The following KLHL2 variants were observed in gnomAD, a reference collection of about 807,000 sequenced individuals.
KLHL2 encodes kelch-like protein 2.
Under a neutral mutation model 75.8 loss-of-function variants are expected in KLHL2, and 15 were observed. The observed-to-expected ratio is 0.20, with a 90% CI of 0.13 to 0.30. The LOEUF is 0.30. KLHL2 is among the 10% of genes least tolerant of loss of function. The pLI, the probability that KLHL2 is intolerant of heterozygous loss-of-function variation, is 1.00. For missense variants in KLHL2, 381 were observed against 741.0 expected, an observed-to-expected ratio of 0.51 and a Z score of 5.64; for synonymous variants, 214 against 251.9, an observed-to-expected ratio of 0.85 and a Z score of 1.42.
At chr4:165,287,051 C>G (rs1191688269) in intron 5 of KLHL2, among the ~76,000 whole-genome samples, 4 of 152,148 alleles carry the variant, frequency 2.6e-5, no homozygotes, top group Non-Finnish European at 5.9e-5. Context: ...AAGTGTTCCA[C>G]TCAGTAGTGT....
At chr4:165,283,519 C>T (rs1410820618) in intron 5 of KLHL2, among the ~76,000 whole-genome samples, 1 of 152,198 alleles carries the variant, frequency 6.6e-6, no homozygotes, top group African/African-American at 2.4e-5. Context: ...GAATGATCTC[C>T]TTTGACTGCA....
At chr4:165,250,690 A>G (rs1740631884) in intron 4 of KLHL2, among the ~76,000 whole-genome samples, 1 of 152,252 alleles carries the variant, frequency 6.6e-6, no homozygotes, top group African/African-American at 2.4e-5. Context: ...TAAATGCTCT[A>G]TAAATGTTGA....
chr4:165,211,830 A>G (rs1038047235), intron 1 of KLHL2, among the ~76,000 whole-genome samples: 4 of 152,128 alleles, frequency 2.6e-5, no homozygotes, highest in African/African-American at 7.2e-5. Flanking sequence ...ATGCTGGGAA[A>G]TCACTCCACC....
chr4:165,220,474 C>A (rs1412904054), intron 2 of KLHL2, among the ~76,000 whole-genome samples: 1 of 152,018 alleles, frequency 6.6e-6, no homozygotes, highest in Non-Finnish European at 1.5e-5. Context: ...AATCCCAGCA[C>A]TTTGAGAGGC....
Position 165,263,880 on chromosome 4 carries a change from A to G in KLHL2, c.544+521A>G, listed in dbSNP as rs185216284. On this transcript the variant is annotated intron_variant, in intron 5 of 14. Coordinates refer to ENST00000226725, the MANE Select transcript of KLHL2 (RefSeq NM_007246.4). ...TTAAAAAAATCTTCAAAGCAGTGAA[A>G]TATAGATACATTTGGTGGAGTAGAA... Among the ~76,000 whole-genome samples the G allele has an allele frequency of 1.5e-3, 226 of 146,452 alleles. 1 individual carries two copies. The highest frequency in any genetic ancestry group is 3.8e-3 in the Middle Eastern group (1 of 266).
intron 6 of KLHL2, among the ~76,000 whole-genome samples, chr4:165,296,057 T>C (rs981247624): frequency 7.2e-5 from 11 of 152,204 alleles, no homozygotes; most frequent in Non-Finnish European, 1.3e-4. Context: ...AATTCTATGG[T>C]CAGAATTCAT....
intron 5 of KLHL2, among the ~76,000 whole-genome samples, chr4:165,284,948 C>T (rs1251469672): frequency 2.0e-5 from 3 of 152,108 alleles, no homozygotes; most frequent in Admixed American, 6.6e-5. Context: ...CGTCAGATCT[C>T]GTGAGACTCA....
intron 3 of KLHL2, among the ~76,000 whole-genome samples, chr4:165,236,242 A>G (rs1739336366): frequency 6.6e-6 from 1 of 152,214 alleles, no homozygotes; most frequent in Non-Finnish European, 1.5e-5. Context: ...GGATAGCATA[A>G]TGTAGCTTCA....
At chr4:165,236,329 G>T (rs1300611464) in intron 3 of KLHL2, among the ~76,000 whole-genome samples, 1 of 152,180 alleles carries the variant, frequency 6.6e-6, no homozygotes, top group African/African-American at 2.4e-5. Flanking sequence ...ACTATGGGAG[G>T]TTACAAATGG....
At chr4:165,301,937 A>G (rs1353618418) in intron 8 of KLHL2, among the ~76,000 whole-genome samples, 1 of 152,104 alleles carries the variant, frequency 6.6e-6, no homozygotes, top group African/African-American at 2.4e-5. Flanking sequence ...GTAAAAGCCT[A>G]TCAAGTACTT....
chr4:165,236,000 C>T lies in KLHL2; in HGVS notation c.260-2778C>T, dbSNP rs539077255. Reference sequence around the variant, plus strand: ...GAGAAACCAAAGGATTTTTGAACTCCGTGCCCAAATTTGTGGAGTCAGTAC... The same window carrying T: ...GAGAAACCAAAGGATTTTTGAACTCTGTGCCCAAATTTGTGGAGTCAGTAC... On this transcript the variant is annotated intron_variant, in intron 3 of 14. Coordinates refer to ENST00000226725, the MANE Select transcript of KLHL2 (RefSeq NM_007246.4). Among the ~76,000 whole-genome samples the T allele has an allele frequency of 5.9e-5, 9 of 151,954 alleles. No individual in the cohort carries two copies. The South Asian group carries it at 1.2e-3, about 21-fold the overall frequency.
chr4:165,288,903 A>G (rs1270499994), intron 5 of KLHL2, among the ~76,000 whole-genome samples: 1 of 151,076 alleles, frequency 6.6e-6, no homozygotes, highest in Non-Finnish European at 1.5e-5. Flanking sequence ...TTCATGTTAC[A>G]TCATTTTTAT....
At chr4:165,237,755 A>G (rs1001969748) in intron 3 of KLHL2, among the ~76,000 whole-genome samples, 41 of 152,160 alleles carry the variant, frequency 2.7e-4, no homozygotes, top group Admixed American at 9.8e-4. Context: ...TGCTTCTTTT[A>G]CCTTTGAAAC....
At chr4:165,220,970 C>T (rs1208012213) in intron 2 of KLHL2, among the ~76,000 whole-genome samples, 3 of 152,116 alleles carry the variant, frequency 2.0e-5, no homozygotes, top group Non-Finnish European at 2.9e-5. Flanking sequence ...CCCAGCATTC[C>T]GTTTGTGAAA....
At chr4:165,278,394 G>A (rs1373013191) in intron 5 of KLHL2, 1 of 1,357,730 alleles carries the variant, frequency 7.4e-7, no homozygotes, top group Admixed American at 1.7e-5. Context: ...TGACTGAGTG[G>A]AATTCCACAG....
intron 5 of KLHL2, among the ~76,000 whole-genome samples, chr4:165,276,383 T>G (rs997422957): frequency 4.6e-5 from 7 of 152,150 alleles, no homozygotes; most frequent in Non-Finnish European, 8.8e-5. Context: ...TAAATGAAAC[T>G]TTGTGTTTCC....
At chr4:165,281,888 A>G (rs72995922) in intron 5 of KLHL2, among the ~76,000 whole-genome samples, 11,400 of 152,208 alleles carry the variant, frequency 0.075, 898 homozygotes, top group African/African-American at 0.2. Context: ...ATTGTGCCCT[A>G]TTGCAGTTAT....
At chr4:165,317,693 GCTCA>G in intron 13 of KLHL2, 129 bp from the exon 14 acceptor site, 1 of 682,646 alleles carries the variant, frequency 1.5e-6, no homozygotes, top group South Asian at 2.1e-5. Context: ...TTCTTTTCAT[GCTCA>G]CTATTTTCTC....
chr4:165,265,166 A>T (rs537697009), intron 5 of KLHL2, among the ~76,000 whole-genome samples: 1 of 152,038 alleles, frequency 6.6e-6, no homozygotes, highest in Non-Finnish European at 1.5e-5. Context: ...GACCATTTGT[A>T]TATCTTCTTT....
Sources: gnomAD v4.1 joint callset for allele counts (sites outside exome capture counted in the v4.1 genomes callset) on GRCh38, gnomAD v4.1.1 for gene constraint, MANE v1.5 for transcripts, NCBI Gene and HGNC (gene_info 2026-07-23, HGNC 2026-07-21) for gene names.